STK10: variants seen among roughly 807,000 people sequenced by gnomAD.
STK10 encodes the protein serine/threonine-protein kinase 10.
In STK10, 78 loss-of-function variants were observed where a neutral mutation model predicts 113.8. That is an observed-to-expected ratio of 0.69 (90% CI 0.57 to 0.83). The LOEUF (loss-of-function observed/expected upper bound fraction) is 0.83. Among genes scored for constraint, STK10 ranks in the 40% least tolerant of loss-of-function variants. The pLI is 0.00. For synonymous variants in STK10, 465 were observed against 494.7 expected, an observed-to-expected ratio of 0.94 and a Z score of 0.80; for missense variants, 1,109 against 1,280.1, an observed-to-expected ratio of 0.87 and a Z score of 2.04.
intron 18 of STK10, among the ~76,000 whole-genome samples, chr5:172,052,401 C>T (rs749653438): frequency 3.3e-5 from 5 of 152,194 alleles, no homozygotes; most frequent in African/African-American, 7.2e-5. Context: ...ACGCTGACAA[C>T]GTTGATTGCA....
At chr5:172,159,168 A>G (rs1214306006) in intron 1 of STK10, among the ~76,000 whole-genome samples, 2 of 152,218 alleles carry the variant, frequency 1.3e-5, no homozygotes, top group African/African-American at 2.4e-5. Context: ...CAGCTCCCCA[A>G]GGATCCTGCG....
chr5:172,065,943 T>TG (rs1393945965), intron 12 of STK10, among the ~76,000 whole-genome samples: 1 of 152,190 alleles, frequency 6.6e-6, no homozygotes, highest in Non-Finnish European at 1.5e-5. Context: ...CAGCTGGGAT[T>TG]GGGTTTCTGT....
At chr5:172,102,664 T>C (rs569673754) in intron 7 of STK10, among the ~76,000 whole-genome samples, 1 of 152,054 alleles carries the variant, frequency 6.6e-6, no homozygotes, top group Admixed American at 6.5e-5. Flanking sequence ...GTGCTGTTGA[T>C]GTGTTCAGTG....
intron 2 of STK10, among the ~76,000 whole-genome samples, chr5:172,145,209 T>C (rs1209022602): frequency 6.6e-6 from 1 of 152,136 alleles, no homozygotes; most frequent in Non-Finnish European, 1.5e-5. Flanking sequence ...CCAGCTCTGC[T>C]AAGGACAGTG....
At chr5:172,061,026 G>A (rs1767920890) in intron 14 of STK10, 113 bp downstream of exon 14, 1 of 1,437,608 alleles carries the variant, frequency 7.0e-7, no homozygotes, top group South Asian at 1.5e-5. Context: ...ATGATGTTTA[G>A]TTTTGGGGAT....
At chr5:172,089,419 T>TGGATGGATGGATGGATGGATGGATGGAA (rs1561802692) in intron 10 of STK10, among the ~76,000 whole-genome samples, 7 of 149,560 alleles carry the variant, frequency 4.7e-5, no homozygotes, top group East Asian at 1.9e-4. Context: ...GATGGATGGA[T>TGGATGGATGGATGGATGGATGGATGGAA]GGATGGATGG....
intron 2 of STK10, among the ~76,000 whole-genome samples, chr5:172,150,172 G>T (rs1321571530): frequency 2.0e-5 from 3 of 151,644 alleles, no homozygotes; most frequent in African/African-American, 7.3e-5. Flanking sequence ...ACAGCCAGTT[G>T]GTCCCAGGCA....
chr5:172,071,212 C>CAAAAAA, intron 12 of STK10, among the ~76,000 whole-genome samples: 109 of 26,590 alleles, frequency 4.1e-3, no homozygotes, highest in East Asian at 7.8e-3. Context: ...CTCTCTATCT[C>CAAAAAA]AAAAAAAAAA....
In STK10 at chr5:172,064,805, T is replaced by G. The variant is rs770439674; in HGVS notation, c.1997A>C (p.Asn666Thr). 1.2e-6 allele frequency: 2 copies of G among 1,613,756 alleles called. No individual in the cohort carries two copies. The highest frequency in any genetic ancestry group is 1.7e-6 in the Non-Finnish European group (2 of 1,179,916). Residue 666 changes from asparagine (N) to threonine (T), a missense_variant, in exon 13 of 19, where the codon AAC becomes ACC. Asn to Thr is a moderately conservative substitution (Grantham distance 65). This residue lies in a region of STK10 where 885 missense variants were observed against 991.1 expected (regional missense o/e 0.89). Coordinates refer to ENST00000176763, the MANE Select transcript of STK10 (RefSeq NM_005990.4). Reference sequence around the variant, plus strand: ...CTGTCGGGGGAGCTTCTCCACCTCGTTCTTCACCTGCAGCAGAGACAGCAG... The same window carrying G: ...CTGTCGGGGGAGCTTCTCCACCTCGGTCTTCACCTGCAGCAGAGACAGCAG... ...QLKLMKKEVK[N>T]EVEKLPRQQR...
chr5:172,124,684 C>A (rs968863954), intron 3 of STK10, among the ~76,000 whole-genome samples: 4 of 152,042 alleles, frequency 2.6e-5, no homozygotes, highest in African/African-American at 7.2e-5. Context: ...ATCTCAAATA[C>A]CATAATCCCA....
intron 15 of STK10, 154 bp downstream of exon 15, chr5:172,057,195 C>G: frequency 1.8e-6 from 2 of 1,101,752 alleles, no homozygotes; most frequent in Admixed American, 2.3e-5. Context: ...CCTGGAGAAC[C>G]TCCTGGGGCC....
Position 172,087,632 on chromosome 5 carries a change from T to TA in STK10, c.1685+2599_1685+2600insT, listed in dbSNP as rs1561801958. ...ATTTATTTACTTATTTATTTTTTTT[T>TA]TTTTTTTGAGACGGAGTCTCGCTCT... On this transcript the variant is annotated intron_variant, in intron 10 of 18. Coordinates refer to ENST00000176763, the MANE Select transcript of STK10 (RefSeq NM_005990.4). Among the ~76,000 whole-genome samples, 153 of 99,360 alleles carry TA rather than the reference T, an allele frequency of 1.5e-3. 17 individuals carry two copies. Among genetic ancestry groups the TA allele is most frequent in the African/African-American group, 5.3e-3 (107 of 20,122 alleles). The allele number at this position is 99,360 out of a possible 152,430, so 65.2% of individuals were successfully genotyped here. A position where few individuals can be genotyped will look rare whatever the true frequency, so the allele number is the denominator to read the frequency against.
chr5:172,171,099 C>T (rs1472713166), intron 1 of STK10, among the ~76,000 whole-genome samples: 3 of 152,192 alleles, frequency 2.0e-5, no homozygotes, highest in Non-Finnish European at 4.4e-5. Flanking sequence ...GTTAAGTCGG[C>T]CTGTTTATTC....
At position 172,044,689 on chromosome 5, in the gene STK10, C is replaced by T. The variant is rs1383325867; in HGVS notation, c.*193G>A. On this transcript the variant is annotated 3_prime_UTR_variant, in exon 19 of 19. Coordinates refer to ENST00000176763, the MANE Select transcript of STK10 (RefSeq NM_005990.4). This position sits in a 1 kb window ranked among gnomAD's most constrained non-coding sequence, Gnocchi z 4.5. ...GTGACAAATAATTACACCTCACCCT[C>T]CACAGGCCAGCAAGAAGTCAGGAAC... is the stretch of plus-strand genomic sequence containing the variant. The T allele has an allele frequency of 2.5e-6, 2 of 813,900 alleles. No individual in the cohort carries two copies. The highest frequency in any genetic ancestry group is 1.7e-5 in the African/African-American group (1 of 58,616). 50.4% of individuals were successfully genotyped at this position (813,900 alleles called of 1,614,324 possible).
intron 2 of STK10, among the ~76,000 whole-genome samples, chr5:172,150,498 A>C (rs193074267): frequency 2.4e-3 from 356 of 150,230 alleles, no homozygotes; most frequent in African/African-American, 8.5e-3. Flanking sequence ...AAAAAAAAAG[A>C]AAGAAAGAAG....
chr5:172,088,111 A>G (rs556938280), intron 10 of STK10, among the ~76,000 whole-genome samples: 38 of 152,012 alleles, frequency 2.5e-4, no homozygotes, highest in Non-Finnish European at 4.3e-4. Flanking sequence ...TAGAGACACT[A>G]GGTTGCCCAG....
At chr5:172,156,852 G>A in intron 1 of STK10, 64 bp from the exon 2 acceptor site, 2 of 1,555,600 alleles carry the variant, frequency 1.3e-6, no homozygotes, top group Non-Finnish European at 1.7e-6. Flanking sequence ...CTTTGGACGT[G>A]AGCCCGCAGT....
chr5:172,056,511 A>G (rs2113693585), intron 15 of STK10, among the ~76,000 whole-genome samples: 1 of 152,234 alleles, frequency 6.6e-6, no homozygotes, highest in African/African-American at 2.4e-5. Context: ...CAAGAAAGAG[A>G]GAAATAAAGA....
intron 2 of STK10, among the ~76,000 whole-genome samples, chr5:172,152,983 G>A (rs1770269374): frequency 6.6e-6 from 1 of 152,116 alleles, no homozygotes; most frequent in South Asian, 2.1e-4. Flanking sequence ...GTGGCTGTTA[G>A]AAATGTAAAA....
Sources: allele counts gnomAD v4.1 joint callset (sites outside exome capture counted in the v4.1 genomes callset), GRCh38; gene constraint gnomAD v4.1.1; regional missense constraint gnomAD v4.1.1; non-coding constraint Gnocchi (gnomAD v3.1); transcripts MANE v1.5; gene names NCBI Gene and HGNC (gene_info 2026-07-23, HGNC 2026-07-21).